TSPAN9: variants seen among roughly 807,000 people sequenced by gnomAD.
TSPAN9 encodes the protein tetraspanin 9, also known as tetraspanin-9.
A neutral mutation model predicts 31.0 loss-of-function variants in TSPAN9; 16 were observed. The ratio of observed to expected loss-of-function variants is 0.52; its 90% CI spans 0.35 to 0.78. The LOEUF is 0.78. TSPAN9 is among the 30% of genes least tolerant of loss of function. The pLI is 0.01. For synonymous variants in TSPAN9, 145 were observed against 121.6 expected (o/e 1.19, Z -1.27); for missense variants, 272 against 312.5 (o/e 0.87, Z 0.98).
At chr12:3,102,298 A>T (rs1284002403) in intron 2 of TSPAN9, among the ~76,000 whole-genome samples, 1 of 151,488 alleles carries the variant, frequency 6.6e-6, no homozygotes, top group African/African-American at 2.4e-5. Context: ...CAACATTTTT[A>T]AAATTTTTTT....
chr12:3,083,552 G>A (rs2098298935), intron 1 of TSPAN9, 101 bp from the exon 2 acceptor site: 1 of 152,246 alleles, frequency 6.6e-6, no homozygotes, highest in Admixed American at 6.5e-5. Context: ...GCAGTTTCTT[G>A]GTAGGGGACT....
At chr12:3,119,908 G>A (rs35244030) in intron 2 of TSPAN9, among the ~76,000 whole-genome samples, 19,424 of 152,126 alleles carry the variant, frequency 0.13, 1,582 homozygotes, top group Middle Eastern at 0.21. Context: ...CCAGCGCCCC[G>A]GAGTCTGGTG....
In TSPAN9 at chr12:3,213,634, C is replaced by CA. The variant is rs1299181356; in HGVS notation, c.63+12378_63+12379insA. Among the ~76,000 whole-genome samples the CA allele has an allele frequency of 5.3e-5, 8 of 152,226 alleles. No individual in the cohort carries two copies. In the South Asian group the frequency reaches 6.2e-4, roughly 12 times the overall value. On this transcript the variant is annotated intron_variant, in intron 3 of 8. Coordinates refer to ENST00000011898, the MANE Select transcript of TSPAN9 (RefSeq NM_006675.5). ...GAGCTGCAGCGAAGCCCCCCTCCCC[C>CA]TTCCAGCCCCCCTTCACCTGTCCCT...
At chr12:3,156,568 C>A (rs775386386) in intron 2 of TSPAN9, among the ~76,000 whole-genome samples, 5 of 151,024 alleles carry the variant, frequency 3.3e-5, no homozygotes, top group Non-Finnish European at 5.9e-5. Flanking sequence ...GTGGCATGAT[C>A]TCGGCTCACT....
At chr12:3,223,385 TG>T (rs1433252016) in intron 3 of TSPAN9, among the ~76,000 whole-genome samples, 4 of 152,170 alleles carry the variant, frequency 2.6e-5, no homozygotes, top group Non-Finnish European at 5.9e-5. Context: ...GGAATGGGGC[TG>T]GGGACTGTCA....
chr12:3,175,908 C>G (rs1306245909), intron 2 of TSPAN9, among the ~76,000 whole-genome samples: 2 of 152,202 alleles, frequency 1.3e-5, no homozygotes, highest in Non-Finnish European at 2.9e-5. Flanking sequence ...GGAATCGGCA[C>G]ACTGCATATT....
intron 2 of TSPAN9, among the ~76,000 whole-genome samples, chr12:3,108,972 C>CAG (rs1316003027): frequency 1.3e-5 from 2 of 151,026 alleles, no homozygotes; most frequent in African/African-American, 4.9e-5. Context: ...GAGTCTCGCT[C>CAG]TTGCCCAGGC....
intron 3 of TSPAN9, among the ~76,000 whole-genome samples, chr12:3,234,456 A>C (rs77572543): frequency 0.12 from 18,696 of 152,222 alleles, 1,299 homozygotes; most frequent in African/African-American, 0.18. Context: ...GCACTGACAT[A>C]GTAGTAGGTA....
At chr12:3,083,262 A>G (rs1392549492) in intron 1 of TSPAN9, among the ~76,000 whole-genome samples, 1 of 152,242 alleles carries the variant, frequency 6.6e-6, no homozygotes, top group Non-Finnish European at 1.5e-5. Flanking sequence ...ACACACTTTT[A>G]CATATCTTGA....
intron 3 of TSPAN9, among the ~76,000 whole-genome samples, chr12:3,274,821 T>C (rs1171587158): frequency 2.0e-5 from 3 of 152,254 alleles, no homozygotes; most frequent in Admixed American, 6.5e-5. Context: ...CCCGCTGTAC[T>C]GCACAGGCCT....
intron 1 of TSPAN9, among the ~76,000 whole-genome samples, chr12:3,082,224 C>T (rs2153961813): frequency 6.6e-6 from 1 of 152,278 alleles, no homozygotes; most frequent in Middle Eastern, 3.4e-3. Flanking sequence ...TGGTGGTGGA[C>T]ATGAACCCCG....
chr12:3,081,836 C>A (rs12099628), intron 1 of TSPAN9, among the ~76,000 whole-genome samples: 7,076 of 130,984 alleles, frequency 0.054, 360 homozygotes, highest in South Asian at 0.086. Context: ...GTGTGTGTGT[C>A]TGTGTGTGTA....
intron 2 of TSPAN9, among the ~76,000 whole-genome samples, chr12:3,117,711 G>C (rs2098323070): frequency 6.6e-6 from 1 of 152,196 alleles, no homozygotes; most frequent in African/African-American, 2.4e-5. Flanking sequence ...TCTGTGGTTA[G>C]TTACTCATTC....
At position 3,278,473 on chromosome 12, in the gene TSPAN9, G is replaced by C; in HGVS notation, c.116G>C (p.Gly39Ala). 1 of 1,614,206 alleles carries C rather than the reference G, an allele frequency of 6.2e-7. No individual in the cohort carries two copies. The highest frequency in any genetic ancestry group is 8.5e-7 in the Non-Finnish European group (1 of 1,180,036). Residue 39 changes from glycine to alanine, a missense_variant, in exon 4 of 9, where the codon GGC (glycine) becomes GCC (alanine). Transcript: ENST00000011898. ...GVGIWLSVSQ[G>A]NFATFSPSFP... ...GGCATCTGGCTCTCCGTGTCCCAAG[G>C]CAACTTTGCCACCTTCTCCCCCAGC...
intron 2 of TSPAN9, among the ~76,000 whole-genome samples, chr12:3,189,308 T>C (rs1481438049): frequency 6.6e-6 from 1 of 152,154 alleles, no homozygotes; most frequent in African/African-American, 2.4e-5. Context: ...AGGGCACAGC[T>C]CTGGGATTTG....
chr12:3,226,736 G>A (rs66526044), intron 3 of TSPAN9, among the ~76,000 whole-genome samples: 2 of 11,080 alleles, frequency 1.8e-4, no homozygotes, highest in African/African-American at 2.7e-4. Context: ...GTGTGTGTGT[G>A]TGTGTGTGTA....
intron 2 of TSPAN9, among the ~76,000 whole-genome samples, chr12:3,092,560 A>C (rs556335402): frequency 8.5e-4 from 129 of 152,334 alleles, no homozygotes; most frequent in South Asian, 2.9e-3. Flanking sequence ...GGAAGGGATA[A>C]GATTGCTACA....
intron 3 of TSPAN9, among the ~76,000 whole-genome samples, chr12:3,256,487 G>A (rs1468680790): frequency 6.6e-6 from 1 of 152,234 alleles, no homozygotes; most frequent in Non-Finnish European, 1.5e-5. Context: ...GAAGGCGAGT[G>A]GGTTATAAAT....
rs1459972902 is a variant in TSPAN9, at chr12:3,285,663, CTG to C, written c.*2550_*2551del. ...ACAGCCTCTCTTCAGTTTCTCCTGA[CTG>C]TGATCTCACTGGGGTAGAATTCCCC... On this transcript the variant is annotated 3_prime_UTR_variant, in exon 9 of 9. Coordinates refer to ENST00000011898, the MANE Select transcript of TSPAN9 (RefSeq NM_006675.5). 3.4e-5 allele frequency: 5 copies of C among 149,168 alleles called. No individual in the cohort carries two copies. Among genetic ancestry groups the C allele is most frequent in the Non-Finnish European group, 5.9e-5 (4 of 67,984 alleles). The allele number at this position is 149,168 out of a possible 1,614,324, so 9.2% of individuals were successfully genotyped here.
Sources: allele counts gnomAD v4.1 joint callset (sites outside exome capture counted in the v4.1 genomes callset), GRCh38; gene constraint gnomAD v4.1.1; transcripts MANE v1.5; gene names NCBI Gene and HGNC (gene_info 2026-07-23, HGNC 2026-07-21).